The following MTMR10 variants were observed in gnomAD, a reference collection of about 807,000 sequenced individuals.
The protein encoded by MTMR10 is myotubularin related protein 10, also known as myotubularin-related protein 10.
MTMR10 carries 56 observed loss-of-function variants against 88.1 expected under a neutral mutation model. The observed-to-expected ratio is 0.64, with a 90% CI of 0.51 to 0.79. The LOEUF is 0.79. Among genes scored for constraint, MTMR10 ranks in the 30% least tolerant of loss-of-function variants. The pLI, the probability that MTMR10 is intolerant of heterozygous loss-of-function variation, is 0.00. For missense variants in MTMR10, 883 were observed against 924.7 expected, an observed-to-expected ratio of 0.95 and a Z score of 0.58; for synonymous variants, 380 against 340.9, an observed-to-expected ratio of 1.11 and a Z score of -1.26.
At chr15:30,951,791 GC>G (rs2141006540) in intron 12 of MTMR10, among the ~76,000 whole-genome samples, 176 bp downstream of exon 12, 1 of 152,316 alleles carries the variant, frequency 6.6e-6, no homozygotes, top group East Asian at 1.9e-4. Context: ...CAGCCACTGC[GC>G]CCAGCCTGTG....
intron 14 of MTMR10, among the ~76,000 whole-genome samples, chr15:30,945,737 C>G (rs2063161394): frequency 6.6e-6 from 1 of 152,188 alleles, no homozygotes; most frequent in East Asian, 1.9e-4. Flanking sequence ...CCTCAGGAGC[C>G]TCTAAGCCTG....
In MTMR10 at chr15:30,939,250, G is replaced by A; in HGVS notation, c.*2220C>T. 9 of 985,438 alleles carry A rather than the reference G, an allele frequency of 9.1e-6. 1 individual carries two copies. The highest frequency in any genetic ancestry group is 9.6e-6 in the Non-Finnish European group (8 of 829,942). 61.0% of individuals were successfully genotyped at this position (985,438 alleles called of 1,614,324 possible). On this transcript the variant is annotated 3_prime_UTR_variant, in exon 16 of 16. Transcript: ENST00000435680. ...AGTTTCCATCATAAAATAACAGCAA[G>A]ACACTGTACACCTTTACGTTCAATA...
downstream of MTMR10, among the ~76,000 whole-genome samples, chr15:30,935,307 C>CA (rs1370577672): frequency 5.6e-3 from 804 of 144,112 alleles, 5 homozygotes; most frequent in African/African-American, 0.019. Flanking sequence ...GACCTTGTCT[C>CA]AAAAAAAAAG....
chr15:30,954,510 T>A (rs958487737), intron 10 of MTMR10, among the ~76,000 whole-genome samples: 1 of 152,164 alleles, frequency 6.6e-6, no homozygotes, highest in African/African-American at 2.4e-5. Flanking sequence ...ATAAAAGTAT[T>A]CTCCTATACC....
At chr15:30,979,882 C>T (rs1448640197) in intron 2 of MTMR10, among the ~76,000 whole-genome samples, 5 of 152,244 alleles carry the variant, frequency 3.3e-5, no homozygotes, top group African/African-American at 1.2e-4. Context: ...AATACAAAAC[C>T]TTGTTTTTGT....
chr15:30,983,054 A>G (rs1390492180), intron 2 of MTMR10, among the ~76,000 whole-genome samples: 2 of 152,220 alleles, frequency 1.3e-5, no homozygotes. Context: ...GAGGTTCTGA[A>G]GTTTTCAGGG....
At chr15:30,953,486 A>G (rs2141009779) in intron 11 of MTMR10, 76 bp downstream of exon 11, 1 of 1,148,190 alleles carries the variant, frequency 8.7e-7, no homozygotes, top group Middle Eastern at 2.0e-4. Context: ...CCTCTGTGCT[A>G]TTTTTGTACC....
chr15:30,961,724 T>G (rs1021880535), intron 6 of MTMR10, among the ~76,000 whole-genome samples: 1 of 152,194 alleles, frequency 6.6e-6, no homozygotes, highest in African/African-American at 2.4e-5. Flanking sequence ...CTATACATTT[T>G]TCTTCCTTCC....
At chr15:30,922,116 T>G in the MTMR10 span, 1 of 1,307,390 alleles carries the variant, frequency 7.6e-7, no homozygotes, top group Non-Finnish European at 1.1e-6. Flanking sequence ...CTTGGCCTCA[T>G]TGTAGAATGG....
intron 9 of MTMR10, among the ~76,000 whole-genome samples, chr15:30,957,447 G>A (rs756304476): frequency 2.6e-5 from 4 of 152,226 alleles, no homozygotes; most frequent in African/African-American, 4.8e-5. Context: ...AGTGAGCCGG[G>A]TGCAGTGGCT....
chr15:30,943,069 A>G lies in MTMR10; in HGVS notation c.1552T>C (p.Phe518Leu), dbSNP rs1488488012. Residue 518 changes from phenylalanine (F) to leucine (L), a missense_variant, in exon 15 of 16, where the codon TTT (phenylalanine) becomes CTT (leucine). Physicochemically the swap from Phe to Leu is conservative, Grantham distance 22. This residue lies in a region of MTMR10 where 343 missense variants were observed against 323.2 expected (regional missense o/e 1.06). Transcript: ENST00000435680. ...AATTGGATGTTTTTGCTTATAGCAA[A>G]TTCCTGCAAAATAAATAAATAAATA... is the stretch of plus-strand genomic sequence containing the variant. Reference protein sequence around the residue: ...PHQRVKQSTEFAISKNIQLGD... With the variant: ...PHQRVKQSTELAISKNIQLGD... The G allele has an allele frequency of 6.5e-7, 1 of 1,526,756 alleles. No individual in the cohort carries two copies. The allele number at this position is 1,526,756 out of a possible 1,614,324, so 94.6% of individuals were successfully genotyped here. A position where few individuals can be genotyped will look rare whatever the true frequency, so the allele number is the denominator to read the frequency against.
At chr15:30,985,087 C>T (rs1191325753) in intron 2 of MTMR10, among the ~76,000 whole-genome samples, 1 of 152,212 alleles carries the variant, frequency 6.6e-6, no homozygotes, top group Non-Finnish European at 1.5e-5. Flanking sequence ...CTTGGCATTT[C>T]AACTCTTCTC....
rs1339762815 is a variant in MTMR10 at position 30,940,837 on chromosome 15, T to C, written c.*633A>G. 4 of 989,032 alleles carry C rather than the reference T, an allele frequency of 4.0e-6. No homozygotes were observed. Among genetic ancestry groups the C allele is most frequent in the Non-Finnish European group, 4.8e-6 (4 of 832,116 alleles). 61.3% of individuals were successfully genotyped at this position (989,032 alleles called of 1,614,324 possible). The stretch of plus-strand genomic sequence containing the variant: ...AAGTCAAAGGCACTTCTAAGTTTAA[T>C]TATCTGCAGCAAATGCTTTAAAATT... On this transcript the variant is annotated 3_prime_UTR_variant, in exon 16 of 16. Coordinates refer to ENST00000435680, the MANE Select transcript of MTMR10 (RefSeq NM_017762.3).
Position 30,958,886 on chromosome 15 carries a change from C to T in MTMR10, c.912G>A (p.Leu304=), listed in dbSNP as rs201545419. ...LVRMALIKDV[L]QQRKIDQRIC... is the part of the protein sequence containing the mutation. ...ACCTCTGGTCAATCTTCCTCTGCTG[C>T]AGCACGTCTTTGATGAGGGCCATTC... Residue 304 remains leucine (L), a synonymous_variant, in exon 9 of 16, where the codon CTG becomes CTA. Coordinates refer to ENST00000435680, the MANE Select transcript of MTMR10 (RefSeq NM_017762.3). The T allele has an allele frequency of 7.7e-5, 125 of 1,613,852 alleles. No individual in the cohort carries two copies. The highest frequency in any genetic ancestry group is 1.7e-4 in the Middle Eastern group (1 of 6,058).
At chr15:30,977,854 A>G (rs553502674) in intron 2 of MTMR10, among the ~76,000 whole-genome samples, 1 of 152,358 alleles carries the variant, frequency 6.6e-6, no homozygotes, top group South Asian at 2.1e-4. Context: ...GAGCTGCAAT[A>G]ACTTTTATTC....
intron 3 of MTMR10, among the ~76,000 whole-genome samples, chr15:30,975,387 A>C (rs1595940348): frequency 6.6e-6 from 1 of 152,222 alleles, no homozygotes; most frequent in East Asian, 1.9e-4. Flanking sequence ...TTTAAAGCAC[A>C]AAGTCTACTA....
chr15:30,960,193 A>G (rs2063382414), intron 7 of MTMR10, among the ~76,000 whole-genome samples: 1 of 152,134 alleles, frequency 6.6e-6, no homozygotes, highest in Non-Finnish European at 1.5e-5. Context: ...AGCTCAAACC[A>G]TGATATAAGA....
chr15:30,946,017 C>G (rs2063166112), intron 14 of MTMR10, among the ~76,000 whole-genome samples: 1 of 152,162 alleles, frequency 6.6e-6, no homozygotes, highest in Admixed American at 6.5e-5. Flanking sequence ...CTGGGTTCCC[C>G]AAAAGTGGCA....
At chr15:30,970,390 G>A (rs909822136) in intron 5 of MTMR10, among the ~76,000 whole-genome samples, 1 of 152,100 alleles carries the variant, frequency 6.6e-6, no homozygotes, top group African/African-American at 2.4e-5. Context: ...AGTGAGAAGA[G>A]GGAGACAGGC....
Sources: gnomAD v4.1 joint callset for allele counts (sites outside exome capture counted in the v4.1 genomes callset) on GRCh38, gnomAD v4.1.1 for gene constraint, gnomAD v4.1.1 regional missense constraint, MANE v1.5 for transcripts, NCBI Gene and HGNC (gene_info 2026-07-23, HGNC 2026-07-21) for gene names.